TMED3: variants seen among roughly 807,000 people sequenced by gnomAD.
TMED3 encodes the protein transmembrane emp24 domain-containing protein 3.
A neutral mutation model predicts 15.0 loss-of-function variants in TMED3; 9 were observed. The ratio of observed to expected loss-of-function variants is 0.60; its 90% CI spans 0.36 to 1.04. TMED3 has a LOEUF of 1.04. Ranked by LOEUF, TMED3 falls within the 50% of genes least tolerant of loss-of-function variation. The probability of loss-of-function intolerance (pLI) is 0.01; values close to 1 mark genes in which losing one functional copy is unlikely to be tolerated. For missense variants in TMED3, 267 were observed against 278.9 expected (o/e 0.96, Z 0.30); for synonymous variants, 117 against 121.4 (o/e 0.96, Z 0.24).
At chr15:79,352,985 ATATAT>A (rs953526013) in intron 2 of TMED3, among the ~76,000 whole-genome samples, 2 of 99,620 alleles carry the variant, frequency 2.0e-5, no homozygotes, top group African/African-American at 7.6e-5. Flanking sequence ...TATATAAATT[ATATAT>A]TATGTTATAT....
At chr15:79,321,882 A>T (rs8037898) in intron 2 of TMED3, 96 bp from the exon 3 acceptor site, 1 of 1,415,662 alleles carries the variant, frequency 7.1e-7, no homozygotes, top group Middle Eastern at 1.8e-4. Flanking sequence ...CATTCAGTGG[A>T]TATCACCTAG....
intron 2 of TMED3, among the ~76,000 whole-genome samples, chr15:79,407,104 C>T (rs761046355): frequency 3.3e-5 from 5 of 152,214 alleles, no homozygotes; most frequent in African/African-American, 1.2e-4. Context: ...GTCCTTCTTA[C>T]ATTTCCACCT....
chr15:79,353,253 T>A (rs1178469276), intron 2 of TMED3, among the ~76,000 whole-genome samples: 43 of 63,900 alleles, frequency 6.7e-4, no homozygotes, highest in African/African-American at 8.8e-4. Context: ...ATACTATATA[T>A]AATATATATT....
At chr15:79,390,308 G>C (rs1893679985) in intron 2 of TMED3, among the ~76,000 whole-genome samples, 1 of 152,078 alleles carries the variant, frequency 6.6e-6, no homozygotes, top group African/African-American at 2.4e-5. Flanking sequence ...AGCAATGATG[G>C]ATTTTGTCAA....
exon 3 of TMED3, chr15:79,411,795 A>G (rs1893985193): frequency 2.9e-6 from 1 of 349,584 alleles, no homozygotes; most frequent in Admixed American, 3.7e-5. Flanking sequence ...TGGAGCCCAG[A>G]GGGTTTGGTG....
At chr15:79,316,836 G>A (rs1325684079) in intron 2 of TMED3, among the ~76,000 whole-genome samples, 1 of 152,198 alleles carries the variant, frequency 6.6e-6, no homozygotes, top group Non-Finnish European at 1.5e-5. Context: ...TGAAAACAGA[G>A]GGGTTCTGTT....
At chr15:79,403,523 G>A (rs182394717) in intron 2 of TMED3, among the ~76,000 whole-genome samples, 13 of 152,144 alleles carry the variant, frequency 8.5e-5, no homozygotes, top group African/African-American at 2.2e-4. Context: ...ACTAAGAGCC[G>A]CCCAGAGTGT....
chr15:79,363,477 C>T (rs1357915948), intron 2 of TMED3, among the ~76,000 whole-genome samples: 1 of 128,984 alleles, frequency 7.8e-6, no homozygotes, highest in Non-Finnish European at 1.6e-5. Flanking sequence ...TTTTAAAACT[C>T]CAAGTGACAA....
intron 2 of TMED3, among the ~76,000 whole-genome samples, chr15:79,404,021 G>A (rs186663800): frequency 2.0e-5 from 3 of 152,294 alleles, no homozygotes; most frequent in East Asian, 3.9e-4. Flanking sequence ...TCATTGTTCT[G>A]TATGTTGGTA....
exon 3 of TMED3, chr15:79,413,569 TG>T (rs1351958402): frequency 6.6e-6 from 1 of 152,270 alleles, no homozygotes. Flanking sequence ...TAAGAAACCT[TG>T]GCCTTGTCCC....
At chr15:79,387,994 G>A (rs1014758147) in intron 2 of TMED3, among the ~76,000 whole-genome samples, 1 of 151,768 alleles carries the variant, frequency 6.6e-6, no homozygotes, top group Admixed American at 6.6e-5. Flanking sequence ...ATTCACCTAC[G>A]GTACTTCTGG....
At chr15:79,380,179 T>C (rs28672929) in intron 2 of TMED3, among the ~76,000 whole-genome samples, 21,937 of 151,854 alleles carry the variant, frequency 0.14, 1,751 homozygotes, top group African/African-American at 0.21. Context: ...GGTGAAAACC[T>C]GTCTGTACTA....
chr15:79,358,789 G>C (rs1325226317), intron 2 of TMED3, among the ~76,000 whole-genome samples: 1 of 152,200 alleles, frequency 6.6e-6, no homozygotes, highest in East Asian at 1.9e-4. Flanking sequence ...CTTTCCCTGG[G>C]GTGAAATGGC....
rs146265972 is a variant in TMED3, at chr15:79,375,695, C to G, written c.418-35705C>G. 4.4e-3 allele frequency among the ~76,000 whole-genome samples: 672 copies of G among 152,236 alleles called. 4 individuals carry two copies. The highest frequency in any genetic ancestry group is 0.014 in the Middle Eastern group (4 of 294). On this transcript the variant is annotated intron_variant, in intron 2 of 2. Coordinates refer to the TMED3 transcript ENST00000424155. ...AAGAACTCACTTACTATCGTAAGGA[C>G]AGCACCAAGAGGATGGTGCTAAATC...
At chr15:79,358,084 G>A (rs1426528008) in intron 2 of TMED3, among the ~76,000 whole-genome samples, 1 of 152,204 alleles carries the variant, frequency 6.6e-6, no homozygotes, top group Non-Finnish European at 1.5e-5. Context: ...GGCCACTGAA[G>A]CATGCCTGTT....
intron 2 of TMED3, among the ~76,000 whole-genome samples, chr15:79,380,336 CGA>C (rs1404054956): frequency 1.3e-5 from 2 of 150,252 alleles, no homozygotes; most frequent in African/African-American, 4.9e-5. Flanking sequence ...GGCGACAGAG[CGA>C]GACTCTGTCT....
rs1340159467 is a variant in TMED3, at chr15:79,322,030, C to T, written c.470C>T (p.Ser157Phe). 1 of 1,614,214 alleles carries T rather than the reference C, an allele frequency of 6.2e-7. No homozygotes were observed. Among genetic ancestry groups the T allele is most frequent in the Non-Finnish European group, 8.5e-7 (1 of 1,180,044 alleles). ...IHEALKTVID[S>F]QTHYRLREAQ... ...GAGGCTCTGAAAACGGTGATTGACT[C>T]CCAGACGCATTACCGGCTGCGGGAG... The change falls in exon 3 of 3, where the codon TCC becomes TTC. Residue 157 changes from serine (S) to phenylalanine (F), a missense_variant. Physicochemically the swap from Ser to Phe is radical, Grantham distance 155 (BLOSUM62 -2). Around this residue, in one of 3 missense-constraint regions of TMED3, gnomAD observed 139 missense variants for 125.0 expected, o/e 1.11. Transcript: ENST00000299705.
At chr15:79,382,942 T>C in intron 2 of TMED3, 1 of 1,535,272 alleles carries the variant, frequency 6.5e-7, no homozygotes, top group African/African-American at 1.4e-5. Context: ...TACAAGGGCA[T>C]AAACACGATT....
rs748043050 is a variant in TMED3 at position 79,314,001 on chromosome 15, C to T, written c.413C>T (p.Thr138Ile). ...ATGGGGAACAGGGTCACAGCTCTCACCCAGGTGAGTGAACATTAGCAGTTC... is the reference window on the plus strand; with the variant it reads ...ATGGGGAACAGGGTCACAGCTCTCATCCAGGTGAGTGAACATTAGCAGTTC... Reference protein sequence around the residue: ...PDMGNRVTALTQMESACVTIH... With the variant: ...PDMGNRVTALIQMESACVTIH... Residue 138 changes from threonine (T) to isoleucine (I), a missense_variant, in exon 2 of 3, where the codon ACC (threonine) becomes ATC (isoleucine). Around this residue, in one of 3 missense-constraint regions of TMED3, gnomAD observed 139 missense variants for 125.0 expected, o/e 1.11. Coordinates refer to ENST00000299705, the MANE Select transcript of TMED3 (RefSeq NM_007364.4). 21 of 1,614,060 alleles carry T rather than the reference C, an allele frequency of 1.3e-5. No individual in the cohort carries two copies. Among genetic ancestry groups the T allele is most frequent in the Non-Finnish European group, 1.8e-5 (21 of 1,180,036 alleles).
Sources: allele counts gnomAD v4.1 joint callset (sites outside exome capture counted in the v4.1 genomes callset), GRCh38; gene constraint gnomAD v4.1.1; regional missense constraint gnomAD v4.1.1; transcripts MANE v1.5; gene names NCBI Gene and HGNC (gene_info 2026-07-23, HGNC 2026-07-21).